FAM184A: variants seen among roughly 807,000 people sequenced by gnomAD.
FAM184A encodes the protein family with sequence similarity 184 member A, also known as protein FAM184A.
Under a neutral mutation model 143.8 loss-of-function variants are expected in FAM184A, and 99 were observed. The ratio of observed to expected loss-of-function variants is 0.69; its 90% CI spans 0.58 to 0.81. FAM184A has a LOEUF of 0.81. Among genes scored for constraint, FAM184A ranks in the 40% least tolerant of loss-of-function variants. FAM184A has a pLI of 0.00. For synonymous variants in FAM184A, 427 were observed against 446.4 expected, an observed-to-expected ratio of 0.96 and a Z score of 0.55; for missense variants, 1,217 against 1,310.5, an observed-to-expected ratio of 0.93 and a Z score of 1.10.
intron 12 of FAM184A, 66 bp downstream of exon 12, chr6:118,975,851 G>A (rs1338954764): frequency 6.9e-7 from 1 of 1,457,124 alleles, no homozygotes; most frequent in Non-Finnish European, 9.4e-7. Flanking sequence ...TAATTTTCAG[G>A]AAATTATGAA....
At chr6:119,089,926 T>A (rs1444474680) in intron 1 of FAM184A, among the ~76,000 whole-genome samples, 1 of 152,238 alleles carries the variant, frequency 6.6e-6, no homozygotes, top group Non-Finnish European at 1.5e-5. Flanking sequence ...ATTGAAAACC[T>A]TCTAAAATGT....
intron 1 of FAM184A, among the ~76,000 whole-genome samples, chr6:119,105,506 T>C (rs566509320): frequency 6.6e-5 from 10 of 152,344 alleles, no homozygotes; most frequent in Non-Finnish European, 8.8e-5. Context: ...TTCAGTTTCC[T>C]GAGGCTTCCC....
chr6:119,003,714 T>C, intron 7 of FAM184A, 92 bp from the exon 8 acceptor site: 1 of 1,281,432 alleles, frequency 7.8e-7, no homozygotes. Flanking sequence ...ATTAAAACTT[T>C]TAATTTTAAA....
chr6:119,068,332 A>G (rs908032169), intron 1 of FAM184A, among the ~76,000 whole-genome samples: 5 of 152,146 alleles, frequency 3.3e-5, no homozygotes, highest in Non-Finnish European at 5.9e-5. Context: ...TACAGGTGTG[A>G]GCCACTGCGC....
intron 1 of FAM184A, among the ~76,000 whole-genome samples, chr6:119,096,877 G>A (rs1309256948): frequency 1.3e-5 from 2 of 152,112 alleles, no homozygotes; most frequent in Non-Finnish European, 2.9e-5. Context: ...GAAGGCATGG[G>A]CTGGTCTCCA....
At chr6:118,970,008 A>ATATATTTTTTTTTTTTTTTTTT in intron 14 of FAM184A, among the ~76,000 whole-genome samples, 1 of 19,044 alleles carries the variant, frequency 5.3e-5, no homozygotes, top group Non-Finnish European at 1.1e-4. Flanking sequence ...ATATATATAT[A>ATATATTTTTTTTTTTTTTTTTT]TTTTTTTTTT....
In FAM184A at chr6:118,974,674, T is replaced by C. The variant is rs1004621206; in HGVS notation, c.2769-100A>G. On this transcript the variant is annotated intron_variant, in intron 13 of 17. Coordinates refer to ENST00000338891, the MANE Select transcript of FAM184A (RefSeq NM_024581.6). Reference sequence around the variant, plus strand: ...ATTTGAAATGGTTTTTGGTATAATATATAGAAAATTTATGTAAACAGCCTA... The same window carrying C: ...ATTTGAAATGGTTTTTGGTATAATACATAGAAAATTTATGTAAACAGCCTA... 9 of 1,025,838 alleles carry C rather than the reference T, an allele frequency of 8.8e-6. No homozygotes were observed. In the African/African-American group the frequency reaches 1.3e-4, roughly 15 times the overall value. The allele number at this position is 1,025,838 out of a possible 1,614,324, so 63.5% of individuals were successfully genotyped here.
intron 3 of FAM184A, 51 bp downstream of exon 3, chr6:119,022,894 A>G: frequency 6.2e-7 from 1 of 1,605,236 alleles, no homozygotes. Context: ...ATAAATAAAT[A>G]AAGTGTTGAT....
chr6:119,015,240 T>C (rs1196353310), intron 5 of FAM184A, among the ~76,000 whole-genome samples: 1 of 152,096 alleles, frequency 6.6e-6, no homozygotes, highest in Non-Finnish European at 1.5e-5. Flanking sequence ...GAGGAGCCCT[T>C]CGGCCTGCCG....
At chr6:119,134,382 T>C (rs905803869) in intron 1 of FAM184A, among the ~76,000 whole-genome samples, 6 of 152,108 alleles carry the variant, frequency 3.9e-5, no homozygotes, top group Admixed American at 3.3e-4. Flanking sequence ...ATCTAATAGA[T>C]TGATACAAAT....
intron 14 of FAM184A, among the ~76,000 whole-genome samples, chr6:118,971,294 C>T (rs1783688488): frequency 6.6e-6 from 1 of 152,130 alleles, no homozygotes; most frequent in African/African-American, 2.4e-5. Context: ...GGACTCAAAA[C>T]TTAAACAAAA....
upstream of FAM184A, among the ~76,000 whole-genome samples, chr6:119,080,425 G>A (rs1788027644): frequency 6.6e-6 from 1 of 152,010 alleles, no homozygotes; most frequent in African/African-American, 2.4e-5. Context: ...TAGCCCAAAA[G>A]GACCCTTTTC....
intron 1 of FAM184A, among the ~76,000 whole-genome samples, chr6:119,086,707 C>T (rs1481294532): frequency 4.6e-5 from 7 of 152,060 alleles, no homozygotes; most frequent in African/African-American, 9.7e-5. Context: ...GTCTCTGTCC[C>T]GAAGACAATC....
intron 1 of FAM184A, among the ~76,000 whole-genome samples, chr6:119,133,486 C>T (rs2114879151): frequency 6.6e-6 from 1 of 152,102 alleles, no homozygotes; most frequent in African/African-American, 2.4e-5. Flanking sequence ...TGCAGTAGAG[C>T]CAAGGGAAAG....
chr6:119,099,106 G>A (rs922194712), intron 1 of FAM184A, among the ~76,000 whole-genome samples: 4 of 152,028 alleles, frequency 2.6e-5, no homozygotes, highest in African/African-American at 9.7e-5. Context: ...GCAAAACTCC[G>A]TATCAAGAAA....
intron 14 of FAM184A, 74 bp downstream of exon 14, chr6:118,974,354 G>C: frequency 7.3e-7 from 1 of 1,362,938 alleles, no homozygotes; most frequent in Non-Finnish European, 1.0e-6. Flanking sequence ...CAAAATAACA[G>C]CTAATCTGAG....
intron 1 of FAM184A, among the ~76,000 whole-genome samples, chr6:119,055,266 G>A (rs1277488601): frequency 6.6e-6 from 1 of 152,060 alleles, no homozygotes; most frequent in Non-Finnish European, 1.5e-5. Flanking sequence ...CTATTGTATG[G>A]ATATACCATA....
intron 1 of FAM184A, chr6:119,031,587 CT>C: frequency 6.6e-6 from 1 of 152,208 alleles, no homozygotes; most frequent in Non-Finnish European, 1.5e-5. Context: ...TGAATAATAT[CT>C]TGGCAATATG....
intron 1 of FAM184A, among the ~76,000 whole-genome samples, chr6:119,076,023 C>A (rs1003604810): frequency 1.3e-5 from 2 of 151,876 alleles, no homozygotes; most frequent in African/African-American, 4.8e-5. Context: ...GTCAATGGTT[C>A]TTAATTGGAA....
Sources: gnomAD v4.1 joint callset for allele counts (sites outside exome capture counted in the v4.1 genomes callset) on GRCh38, gnomAD v4.1.1 for gene constraint, MANE v1.5 for transcripts, NCBI Gene and HGNC (gene_info 2026-07-23, HGNC 2026-07-21) for gene names.